Variants in WBP1L observed in about 807,000 individuals in gnomAD.
WBP1L encodes WW domain binding protein 1-like.
Under a neutral mutation model 33.7 loss-of-function variants are expected in WBP1L, and 17 were observed. The ratio of observed to expected loss-of-function variants is 0.50; its 90% CI spans 0.34 to 0.76. WBP1L has a LOEUF of 0.76. Among genes scored for constraint, WBP1L ranks in the 30% least tolerant of loss-of-function variants. The pLI, the probability that WBP1L is intolerant of heterozygous loss-of-function variation, is 0.01. For missense variants in WBP1L, 389 were observed against 469.4 expected (o/e 0.83, Z 1.58); for synonymous variants, 173 against 190.8 (o/e 0.91, Z 0.77).
intron 1 of WBP1L, chr10:102,776,073 A>T: frequency 1.0e-6 from 1 of 983,620 alleles, no homozygotes; most frequent in Non-Finnish European, 1.2e-6. Flanking sequence ...ATTCCAGTGC[A>T]GCTGTCTGAA....
At chr10:102,764,559 C>T (rs746812058) in intron 1 of WBP1L, among the ~76,000 whole-genome samples, 11 of 152,168 alleles carry the variant, frequency 7.2e-5, no homozygotes, top group Non-Finnish European at 1.2e-4. Context: ...AAGGGTTCAG[C>T]GTCCCCTGCA....
chr10:102,752,629 G>A (rs1305810675), intron 1 of WBP1L, among the ~76,000 whole-genome samples: 1 of 152,066 alleles, frequency 6.6e-6, no homozygotes, highest in African/African-American at 2.4e-5. Context: ...AAAGCCTGAT[G>A]GTCAGTTATT....
At position 102,744,030 on chromosome 10, in the gene WBP1L, C is replaced by A; in HGVS notation, c.-24C>A. ...GAGGAGGGAGGTGGCGGCGCCGTGG[C>A]GGAGGAGCAGGAGCAGGAGGGGGAT... On this transcript the variant is annotated 5_prime_UTR_variant, in exon 1 of 4. Coordinates refer to ENST00000448841, the MANE Select transcript of WBP1L (RefSeq NM_001083913.2). 1 of 1,524,240 alleles carries A rather than the reference C, an allele frequency of 6.6e-7. No homozygotes were observed. The highest frequency in any genetic ancestry group is 8.9e-7 in the Non-Finnish European group (1 of 1,126,194). The allele number at this position is 1,524,240 out of a possible 1,614,324, so 94.4% of individuals were successfully genotyped here.
At chr10:102,791,136 G>T (rs1335815451) in intron 1 of WBP1L, among the ~76,000 whole-genome samples, 1 of 152,076 alleles carries the variant, frequency 6.6e-6, no homozygotes, top group Non-Finnish European at 1.5e-5. Flanking sequence ...CCAATTCCCT[G>T]TTTCAGGTGG....
intron 1 of WBP1L, among the ~76,000 whole-genome samples, chr10:102,747,386 A>G (rs1292943251): frequency 1.3e-5 from 2 of 150,298 alleles, no homozygotes; most frequent in Admixed American, 1.3e-4. Context: ...AAAAAGAATG[A>G]GAAAACAGTA....
chr10:102,798,517 C>T (rs11191397), intron 2 of WBP1L, among the ~76,000 whole-genome samples: 87 of 151,900 alleles, frequency 5.7e-4, no homozygotes, highest in African/African-American at 2.1e-3. Context: ...CTCTGCCTCC[C>T]GAGTTCAACT....
At chr10:102,777,765 A>G (rs1248524038) in intron 1 of WBP1L, among the ~76,000 whole-genome samples, 1 of 151,982 alleles carries the variant, frequency 6.6e-6, no homozygotes, top group South Asian at 2.1e-4. Context: ...GGGTTTCGCC[A>G]TGTTGGTCTG....
At chr10:102,764,065 C>T (rs1037356483) in intron 1 of WBP1L, among the ~76,000 whole-genome samples, 2 of 152,166 alleles carry the variant, frequency 1.3e-5, no homozygotes, top group South Asian at 2.1e-4. Flanking sequence ...CCGCCTGCCT[C>T]GGCCTCCCAA....
rs749309392 is a variant in WBP1L at position 102,812,637 on chromosome 10, T to C, written c.398T>C (p.Val133Ala). 9 of 1,601,040 alleles carry C rather than the reference T, an allele frequency of 5.6e-6. No homozygotes were observed. The highest frequency in any genetic ancestry group is 1.7e-6 in the Non-Finnish European group (2 of 1,174,610). The change falls in exon 4 of 4, where the codon GTG (valine) becomes GCG (alanine). Residue 133 changes from valine to alanine, a missense_variant. Coordinates refer to ENST00000448841, the MANE Select transcript of WBP1L (RefSeq NM_001083913.2). ...TTACTACCTCCTTATGAGGAAGTGG[T>C]GAACCGACCTCCAACTCCTCCCCCA... The part of the protein sequence containing the change: ...NYLLPPYEEV[V>A]NRPPTPPPPY...
intron 1 of WBP1L, among the ~76,000 whole-genome samples, chr10:102,786,157 CAG>C (rs1245482484): frequency 1.3e-5 from 2 of 152,306 alleles, no homozygotes; most frequent in Non-Finnish European, 2.9e-5. Context: ...TTGGCAGTAA[CAG>C]TACTGGTGTG....
chr10:102,757,872 GCCCT>G lies in WBP1L; in HGVS notation c.90+13733_90+13736del, dbSNP rs375906851. ...GATTACAGCATGAGCCACTGTACCT[GCCCT>G]CCCCCCCCCCCTTTTTTTTTTTTTT... is the stretch of plus-strand genomic sequence containing the variant. On this transcript the variant is annotated intron_variant, in intron 1 of 3. Transcript: ENST00000448841. Among the ~76,000 whole-genome samples, 175 of 34,222 alleles carry G rather than the reference GCCCT, an allele frequency of 5.1e-3. 7 individuals carry two copies. In the East Asian group the frequency reaches 0.064, roughly 13 times the overall value. 22.5% of individuals were successfully genotyped at this position (34,222 alleles called of 152,430 possible).
chr10:102,757,668 C>T (rs1294729579), intron 1 of WBP1L, among the ~76,000 whole-genome samples: 1 of 148,766 alleles, frequency 6.7e-6, no homozygotes, highest in Admixed American at 6.8e-5. Context: ...GCCTGACCTC[C>T]TGAGTTCTAG....
chr10:102,764,309 G>C (rs1478548531), intron 1 of WBP1L, among the ~76,000 whole-genome samples: 2 of 152,188 alleles, frequency 1.3e-5, no homozygotes, highest in Admixed American at 6.5e-5. Flanking sequence ...TTTTCTGGGA[G>C]GGCCAATGGC....
intron 1 of WBP1L, among the ~76,000 whole-genome samples, chr10:102,784,953 T>C (rs1177955484): frequency 6.6e-6 from 1 of 151,116 alleles, no homozygotes; most frequent in Non-Finnish European, 1.5e-5. Flanking sequence ...CTCAGGTCAC[T>C]GCAACCTCCG....
intron 2 of WBP1L, among the ~76,000 whole-genome samples, chr10:102,805,899 A>C (rs957943625): frequency 6.8e-6 from 1 of 146,140 alleles, no homozygotes; most frequent in Admixed American, 6.9e-5. Context: ...TTGTCTCTTA[A>C]AAATAAGTTA....
intron 1 of WBP1L, among the ~76,000 whole-genome samples, chr10:102,752,042 T>G (rs542119448): frequency 1.3e-5 from 2 of 152,334 alleles, no homozygotes; most frequent in African/African-American, 4.8e-5. Flanking sequence ...GCAAGTGACT[T>G]TCTTTATTCT....
intron 1 of WBP1L, among the ~76,000 whole-genome samples, chr10:102,758,965 T>C (rs1264495008): frequency 6.6e-6 from 1 of 152,188 alleles, no homozygotes; most frequent in Admixed American, 6.5e-5. Flanking sequence ...CGCTATCTAC[T>C]ACGAACTTCA....
chr10:102,792,645 C>T (rs1457013207), intron 1 of WBP1L, among the ~76,000 whole-genome samples: 3 of 140,530 alleles, frequency 2.1e-5, no homozygotes, highest in Non-Finnish European at 4.5e-5. Context: ...CCCAGGCTGG[C>T]GTGCAATGGT....
At chr10:102,774,373 A>G (rs1351728354) in intron 1 of WBP1L, among the ~76,000 whole-genome samples, 3 of 152,152 alleles carry the variant, frequency 2.0e-5, no homozygotes, top group Non-Finnish European at 2.9e-5. Flanking sequence ...CCAGTCCCCA[A>G]ACACCGGCAG....
Sources: allele counts gnomAD v4.1 joint callset (sites outside exome capture counted in the v4.1 genomes callset), GRCh38; gene constraint gnomAD v4.1.1; transcripts MANE v1.5; gene names NCBI Gene and HGNC (gene_info 2026-07-23, HGNC 2026-07-21).